NCAM2: variants seen among roughly 807,000 people sequenced by gnomAD.
The protein encoded by NCAM2 is neural cell adhesion molecule 2.
Under a neutral mutation model 98.1 loss-of-function variants are expected in NCAM2, and 30 were observed. That is an observed-to-expected ratio of 0.31 (90% CI 0.23 to 0.41). The LOEUF is 0.41. Ranked by LOEUF, NCAM2 falls within the 10% of genes least tolerant of loss-of-function variation. The probability of loss-of-function intolerance (pLI) is 1.00; values close to 1 mark genes in which losing one functional copy is unlikely to be tolerated. For synonymous variants in NCAM2, 368 were observed against 342.4 expected (o/e 1.07, Z -0.83); for missense variants, 867 against 1,005.8 (o/e 0.86, Z 1.87).
chr21:21,286,635 C>T (rs185962279), intron 4 of NCAM2, among the ~76,000 whole-genome samples: 2 of 151,860 alleles, frequency 1.3e-5, no homozygotes, highest in Admixed American at 1.3e-4. Context: ...CACAGTTATG[C>T]CCGTTCACCA....
intron 8 of NCAM2, among the ~76,000 whole-genome samples, chr21:21,362,364 G>C (rs1039461724): frequency 6.6e-6 from 1 of 151,204 alleles, no homozygotes; most frequent in Non-Finnish European, 1.5e-5. Context: ...TCCATTTGCT[G>C]TGACAACCTG....
In NCAM2 at chr21:21,117,445, G is replaced by A. The variant is rs2066586976; in HGVS notation, c.55+118827G>A. Among the ~76,000 whole-genome samples the A allele has an allele frequency of 2.6e-5, 4 of 152,056 alleles. No individual in the cohort carries two copies. In the South Asian group the frequency reaches 6.2e-4, roughly 24 times the overall value. On this transcript the variant is annotated intron_variant, in intron 1 of 17. Coordinates refer to ENST00000400546, the MANE Select transcript of NCAM2 (RefSeq NM_004540.5). ...TTTCTGCACCTCCTTGTTTATTGCA[G>A]CATTATGCACAACAGCTAAAATATG...
chr21:21,243,147 A>C (rs1003463319), intron 1 of NCAM2, among the ~76,000 whole-genome samples: 1 of 152,226 alleles, frequency 6.6e-6, no homozygotes, highest in African/African-American at 2.4e-5. Flanking sequence ...TTTAAGAGCC[A>C]AAGAAATAAT....
intron 1 of NCAM2, among the ~76,000 whole-genome samples, chr21:21,117,338 A>T (rs1339190973): frequency 1.6e-5 from 2 of 125,458 alleles, no homozygotes; most frequent in Admixed American, 8.6e-5. Context: ...GGAAAACTTT[A>T]CAGTTTCCTA....
At chr21:21,150,640 T>C (rs565192777) in intron 1 of NCAM2, among the ~76,000 whole-genome samples, 1 of 152,200 alleles carries the variant, frequency 6.6e-6, no homozygotes, top group African/African-American at 2.4e-5. Flanking sequence ...TTCCATTGTT[T>C]GATTTCCATT....
chr21:21,204,771 TATC>T (rs1398633743), intron 1 of NCAM2, among the ~76,000 whole-genome samples: 3 of 152,204 alleles, frequency 2.0e-5, no homozygotes, highest in African/African-American at 4.8e-5. Flanking sequence ...AATTTATTCA[TATC>T]ATTGCATATG....
At chr21:21,444,072 G>T (rs1223436941) in intron 12 of NCAM2, among the ~76,000 whole-genome samples, 1 of 151,750 alleles carries the variant, frequency 6.6e-6, no homozygotes, top group Non-Finnish European at 1.5e-5. Flanking sequence ...TTTTTCAAAG[G>T]CCTGCATCTA....
chr21:21,432,067 A>T (rs1569056790), intron 11 of NCAM2, 41 bp from the exon 12 acceptor site: 5 of 1,584,018 alleles, frequency 3.2e-6, no homozygotes, highest in Non-Finnish European at 4.3e-6. Context: ...GGCCATTCCC[A>T]TTCCCTTGGT....
At chr21:21,457,667 C>T (rs1404664359) in intron 12 of NCAM2, among the ~76,000 whole-genome samples, 1 of 151,080 alleles carries the variant, frequency 6.6e-6, no homozygotes, top group Non-Finnish European at 1.5e-5. Flanking sequence ...TGGTGAAGAA[C>T]TCAGGTACAC....
At chr21:21,235,311 G>C (rs1265570849) in intron 1 of NCAM2, among the ~76,000 whole-genome samples, 1 of 151,968 alleles carries the variant, frequency 6.6e-6, no homozygotes, top group Non-Finnish European at 1.5e-5. Context: ...AAGTACTTGA[G>C]ATTGAAATGT....
chr21:21,177,644 A>G (rs1389750921), intron 1 of NCAM2, among the ~76,000 whole-genome samples: 1 of 152,026 alleles, frequency 6.6e-6, no homozygotes, highest in Admixed American at 6.6e-5. Context: ...CTTATTTTAT[A>G]AAAAGTAATG....
chr21:21,002,185 A>G (rs934072414), intron 1 of NCAM2, among the ~76,000 whole-genome samples: 1 of 152,060 alleles, frequency 6.6e-6, no homozygotes, highest in Non-Finnish European at 1.5e-5. Flanking sequence ...TTCCCTCACT[A>G]CTTCATATCA....
At position 21,394,469 on chromosome 21, in the gene NCAM2, C is replaced by CTTTTTTT. The variant is rs532068473; in HGVS notation, c.1196-15774_1196-15768dup. Among the ~76,000 whole-genome samples, 107 of 57,672 alleles carry CTTTTTTT rather than the reference C, an allele frequency of 1.9e-3. 23 individuals are homozygous for CTTTTTTT. Among genetic ancestry groups the CTTTTTTT allele is most frequent in the African/African-American group, 7.0e-3 (88 of 12,602 alleles). 37.8% of individuals were successfully genotyped at this position (57,672 alleles called of 152,430 possible). ...GACCTTAGTTAATTTAAGGGGCCAG[C>CTTTTTTT]TTTTTTTTTTTTTTTTTTTTTTTTT... On this transcript the variant is annotated intron_variant, in intron 9 of 17. Transcript: ENST00000400546.
In NCAM2 at chr21:21,159,555, G is replaced by A. The variant is rs564400341; in HGVS notation, c.56-121023G>A. On this transcript the variant is annotated intron_variant, in intron 1 of 17. Transcript: ENST00000400546. ...AATAATTAACCATTGTATTACAGTT[G>A]CCTCCAGTATTTAGTATACTAACAT... is the stretch of plus-strand genomic sequence containing the variant. Among the ~76,000 whole-genome samples, 8 of 152,178 alleles carry A rather than the reference G, an allele frequency of 5.3e-5. No individual in the cohort carries two copies. In the South Asian group the frequency reaches 1.7e-3, roughly 32 times the overall value.
chr21:21,462,695 T>C (rs1303627242), intron 12 of NCAM2, among the ~76,000 whole-genome samples: 1 of 152,040 alleles, frequency 6.6e-6, no homozygotes, highest in African/African-American at 2.4e-5. Context: ...TTTGCCTTTA[T>C]AGACAGGTGA....
intron 11 of NCAM2, among the ~76,000 whole-genome samples, chr21:21,421,573 A>G (rs1376612495): frequency 6.6e-6 from 1 of 152,202 alleles, no homozygotes; most frequent in Non-Finnish European, 1.5e-5. Context: ...GCTTTATTTT[A>G]TGGTACTCTT....
At chr21:21,004,996 A>G (rs1263109132) in intron 1 of NCAM2, among the ~76,000 whole-genome samples, 1 of 152,136 alleles carries the variant, frequency 6.6e-6, no homozygotes, top group African/African-American at 2.4e-5. Context: ...AACAAATTGT[A>G]AGAAGGGAGG....
chr21:21,422,353 A>G (rs899412962), intron 11 of NCAM2, among the ~76,000 whole-genome samples: 5 of 152,152 alleles, frequency 3.3e-5, no homozygotes, highest in East Asian at 1.9e-4. Flanking sequence ...GTTGGATGCA[A>G]TGTTCAATAT....
At chr21:21,505,184 T>G (rs1395364445) in intron 15 of NCAM2, among the ~76,000 whole-genome samples, 3 of 152,046 alleles carry the variant, frequency 2.0e-5, no homozygotes, top group Non-Finnish European at 4.4e-5. Context: ...TATTAGTATT[T>G]TAGCAATTCT....
Sources: allele counts gnomAD v4.1 joint callset (sites outside exome capture counted in the v4.1 genomes callset), GRCh38; gene constraint gnomAD v4.1.1; transcripts MANE v1.5; gene names NCBI Gene and HGNC (gene_info 2026-07-23, HGNC 2026-07-21).